The following BCAR3 variants were observed in gnomAD, a reference collection of about 807,000 sequenced individuals.
The protein encoded by BCAR3 is BCAR3 adaptor protein, NSP family member.
BCAR3 carries 37 observed loss-of-function variants against 80.1 expected under a neutral mutation model. That is an observed-to-expected ratio of 0.46 (90% CI 0.36 to 0.61). The LOEUF (loss-of-function observed/expected upper bound fraction) is 0.61, where lower values mean the gene tolerates loss of function less well. BCAR3 is among the 20% of genes least tolerant of loss of function. The pLI is 0.00. For synonymous variants in BCAR3, 389 were observed against 418.9 expected, an observed-to-expected ratio of 0.93 and a Z score of 0.87; for missense variants, 978 against 1,068.2, an observed-to-expected ratio of 0.92 and a Z score of 1.18.
chr1:93,758,832 G>C (rs1651833949), intron 2 of BCAR3, among the ~76,000 whole-genome samples: 1 of 152,142 alleles, frequency 6.6e-6, no homozygotes, highest in Non-Finnish European at 1.5e-5. Flanking sequence ...AGGGACAGTG[G>C]GTGGCAACTG....
chr1:93,575,910 C>G (rs1256935861), intron 8 of BCAR3, 104 bp downstream of exon 8: 3 of 928,034 alleles, frequency 3.2e-6, no homozygotes, highest in Admixed American at 4.5e-5. Context: ...TACTGTTACC[C>G]CAGGGCTAGG....
At chr1:93,755,165 T>C (rs1651700507) in intron 2 of BCAR3, among the ~76,000 whole-genome samples, 1 of 152,206 alleles carries the variant, frequency 6.6e-6, no homozygotes, top group Non-Finnish European at 1.5e-5. Flanking sequence ...CATAGCTGTA[T>C]AACATGTTTG....
intron 2 of BCAR3, among the ~76,000 whole-genome samples, chr1:93,654,151 T>TC (rs1370188541): frequency 6.6e-6 from 1 of 152,038 alleles, no homozygotes; most frequent in Non-Finnish European, 1.5e-5. Context: ...AAAATTCCTA[T>TC]CCCCTAGCTA....
intron 2 of BCAR3, among the ~76,000 whole-genome samples, chr1:93,739,982 G>A (rs187601431): frequency 0.015 from 2,220 of 151,448 alleles, 29 homozygotes; most frequent in Admixed American, 0.022. Flanking sequence ...GGTGCAGTGA[G>A]CCGAGATCAT....
chr1:93,816,439 G>T (rs1654017934), intron 2 of BCAR3, among the ~76,000 whole-genome samples: 1 of 152,060 alleles, frequency 6.6e-6, no homozygotes, highest in Admixed American at 6.5e-5. Flanking sequence ...TTGGGAGGTT[G>T]AGGCAGGCAG....
intron 2 of BCAR3, among the ~76,000 whole-genome samples, chr1:93,774,633 C>A (rs967096871): frequency 6.6e-6 from 1 of 152,164 alleles, no homozygotes; most frequent in East Asian, 1.9e-4. Context: ...GTCTAACAAA[C>A]CTCTCCTTGG....
chr1:93,749,586 C>CAA (rs1160570100), intron 2 of BCAR3, among the ~76,000 whole-genome samples: 30 of 69,398 alleles, frequency 4.3e-4, no homozygotes, highest in African/African-American at 1.3e-3. Flanking sequence ...GAGACTCCGT[C>CAA]AAAAAAAAAA....
At chr1:93,680,856 C>T (rs189843146) in intron 1 of BCAR3, among the ~76,000 whole-genome samples, 2 of 152,244 alleles carry the variant, frequency 1.3e-5, no homozygotes, top group Non-Finnish European at 2.9e-5. Context: ...CCTGATTACA[C>T]CGTTTTAAAG....
chr1:93,736,882 T>C (rs527681363), intron 2 of BCAR3, among the ~76,000 whole-genome samples: 23 of 152,368 alleles, frequency 1.5e-4, no homozygotes, highest in Admixed American at 1.1e-3. Flanking sequence ...TTTTGCATTT[T>C]ATGCTATAGA....
intron 2 of BCAR3, among the ~76,000 whole-genome samples, chr1:93,738,554 G>C (rs1171583856): frequency 6.6e-6 from 1 of 152,248 alleles, no homozygotes; most frequent in Non-Finnish European, 1.5e-5. Flanking sequence ...GCAGGTCGGA[G>C]ATGAGTCTCC....
chr1:93,646,080 T>C (rs949722583), intron 2 of BCAR3, among the ~76,000 whole-genome samples: 1 of 152,128 alleles, frequency 6.6e-6, no homozygotes, highest in Non-Finnish European at 1.5e-5. Flanking sequence ...TAAAAATATA[T>C]AAAGAGCTCT....
rs149272795 is a variant in BCAR3, at chr1:93,775,454, G to A, written c.-62-69312C>T. On this transcript the variant is annotated intron_variant, in intron 2 of 13. Transcript: ENST00000370244. The stretch of plus-strand genomic sequence containing the variant: ...CGGCTGGTGAGTCACAGTGTGATGC[G>A]GACAGGTCCAGGAGGTTTGTTGTGT... The A allele has an allele frequency of 1.6e-4, 25 of 152,300 alleles. 1 individual carries two copies. The East Asian group carries it at 4.6e-3, about 28-fold the overall frequency. 9.4% of individuals were successfully genotyped at this position (152,300 alleles called of 1,614,324 possible).
chr1:93,845,127 T>C (rs1317049047), intron 2 of BCAR3, among the ~76,000 whole-genome samples: 1 of 152,092 alleles, frequency 6.6e-6, no homozygotes, highest in Non-Finnish European at 1.5e-5. Flanking sequence ...CTTTCCAGAA[T>C]TTTTATATAC....
chr1:93,756,555 G>T (rs1651756449), intron 2 of BCAR3, among the ~76,000 whole-genome samples: 1 of 152,164 alleles, frequency 6.6e-6, no homozygotes, highest in Non-Finnish European at 1.5e-5. Context: ...AAAGGTGGGG[G>T]AAAAGCTGAT....
intron 2 of BCAR3, among the ~76,000 whole-genome samples, chr1:93,824,711 A>G (rs2100824177): frequency 7.5e-6 from 1 of 132,940 alleles, no homozygotes; most frequent in African/African-American, 2.5e-5. Flanking sequence ...CTGTCACACT[A>G]ACCTCTTTGT....
chr1:93,834,969 G>A (rs192427854), intron 2 of BCAR3, among the ~76,000 whole-genome samples: 6 of 152,132 alleles, frequency 3.9e-5, no homozygotes, highest in East Asian at 3.9e-4. Flanking sequence ...TTGGTTTATC[G>A]ATGGCGGTTC....
At chr1:93,835,032 T>C (rs1435033182) in intron 2 of BCAR3, among the ~76,000 whole-genome samples, 4 of 94,076 alleles carry the variant, frequency 4.3e-5, no homozygotes, top group African/African-American at 6.2e-5. Context: ...TATAGTATCT[T>C]CCACATCTAT....
intron 3 of BCAR3, among the ~76,000 whole-genome samples, chr1:93,639,804 G>A (rs896644168): frequency 1.3e-5 from 2 of 152,158 alleles, no homozygotes; most frequent in South Asian, 2.1e-4. Flanking sequence ...GACACAGGGA[G>A]GGAGGGAGAC....
chr1:93,592,409 A>G lies in BCAR3; in HGVS notation c.358-16T>C, dbSNP rs236327. Reference sequence around the variant, plus strand: ...CCTTGGAGAACTGCAACACAGAGTCAACCATGAGCTCACCCTGCCCAGGCC... The same window carrying G: ...CCTTGGAGAACTGCAACACAGAGTCGACCATGAGCTCACCCTGCCCAGGCC... On this transcript the variant is annotated splice_polypyrimidine_tract_variant and intron_variant, in intron 3 of 11. Transcript: ENST00000260502. The surrounding 1 kb of genome is among the most constrained non-coding windows in gnomAD (Gnocchi z 4.8). 4.7e-3 allele frequency: 7,492 copies of G among 1,581,864 alleles called. 293 individuals carry two copies. In the African/African-American group the frequency reaches 0.086, roughly 18 times the overall value.
Sources: allele counts gnomAD v4.1 joint callset (sites outside exome capture counted in the v4.1 genomes callset), GRCh38; gene constraint gnomAD v4.1.1; non-coding constraint Gnocchi (gnomAD v3.1); transcripts MANE v1.5; gene names NCBI Gene and HGNC (gene_info 2026-07-23, HGNC 2026-07-21).